JAK1: variants seen among roughly 807,000 people sequenced by gnomAD.
JAK1 encodes tyrosine-protein kinase JAK1.
A neutral mutation model predicts 136.6 loss-of-function variants in JAK1; 16 were observed. The ratio of observed to expected loss-of-function variants is 0.12; its 90% CI spans 0.08 to 0.18. The LOEUF is 0.18. JAK1 is among the 10% of genes least tolerant of loss of function. The probability of loss-of-function intolerance (pLI) is 1.00; values close to 1 mark genes in which losing one functional copy is unlikely to be tolerated. For missense variants in JAK1, 859 were observed against 1,450.1 expected, an observed-to-expected ratio of 0.59 and a Z score of 6.62; for synonymous variants, 492 against 519.5, an observed-to-expected ratio of 0.95 and a Z score of 0.72.
At chr1:64,904,296 A>G (rs1645158096) in intron 1 of JAK1, among the ~76,000 whole-genome samples, 3 of 152,228 alleles carry the variant, frequency 2.0e-5, no homozygotes, top group African/African-American at 7.2e-5. Context: ...ATTTGAAGGT[A>G]AGAATTAAAT....
Position 64,879,102 on chromosome 1 carries a change from G to A in JAK1, c.252C>T (p.Asn84=), listed in dbSNP as rs370552710. 1.3e-5 allele frequency: 21 copies of A among 1,613,728 alleles called. No homozygotes were observed. Among genetic ancestry groups the A allele is most frequent in the Middle Eastern group, 1.6e-4 (1 of 6,084 alleles). ...GATTTGGAGCATACCAGAGCTTGGT[G>A]TTCTCGTCATACAGGGCAAAGAGGT... The part of the protein sequence containing the change: ...CHNLFALYDE[N]TKLWYAPNRT... Residue 84 remains asparagine (N), a synonymous_variant, in exon 4 of 25, where the codon AAC becomes AAT. Coordinates refer to ENST00000342505, the MANE Select transcript of JAK1 (RefSeq NM_002227.4).
Position 65,050,283 on chromosome 1 carries a change from C to T in JAK1, c.-180-5701G>A, listed in dbSNP as rs181786719. Among the ~76,000 whole-genome samples the T allele has an allele frequency of 5.9e-4, 90 of 152,266 alleles. 1 individual carries two copies. Among genetic ancestry groups the T allele is most frequent in the Admixed American group, 3.7e-3 (57 of 15,282 alleles). On this transcript the variant is annotated intron_variant, in intron 1 of 25. Coordinates refer to the JAK1 transcript ENST00000671954. ...TAACGAGACATTAAAAATATGCACC[C>T]GCAACACACGTGATTCAACTGTGAC...
intron 1 of JAK1, among the ~76,000 whole-genome samples, chr1:65,055,507 T>C (rs1336352484): frequency 6.6e-6 from 1 of 152,236 alleles, no homozygotes; most frequent in African/African-American, 2.4e-5. Context: ...CTTTTGGGTA[T>C]GTATCCAGAA....
rs568617682 is a variant in JAK1 at position 64,919,432 on chromosome 1, T to C, written c.-77-33091A>G. 3.9e-5 allele frequency among the ~76,000 whole-genome samples: 6 copies of C among 152,322 alleles called. No individual in the cohort carries two copies. The East Asian group carries it at 7.7e-4, about 20-fold the overall frequency. On this transcript the variant is annotated intron_variant, in intron 1 of 24. Coordinates refer to ENST00000342505, the MANE Select transcript of JAK1 (RefSeq NM_002227.4). ...AGTCTATCATTGATGGACATTTGGGTTGGTTCCAAGTCTTTGCTATTGTGA... is the reference window on the plus strand; with the variant it reads ...AGTCTATCATTGATGGACATTTGGGCTGGTTCCAAGTCTTTGCTATTGTGA...
chr1:65,033,639 G>A (rs1647044405), intron 2 of JAK1, among the ~76,000 whole-genome samples: 1 of 151,478 alleles, frequency 6.6e-6, no homozygotes, highest in South Asian at 2.1e-4. Context: ...TGTAATCCCA[G>A]TGCTTTGGGA....
intron 1 of JAK1, among the ~76,000 whole-genome samples, chr1:64,902,393 C>T (rs761082194): frequency 2.6e-5 from 4 of 151,982 alleles, no homozygotes; most frequent in Non-Finnish European, 5.9e-5. Context: ...TCTGTCAATC[C>T]GAGGATAAAG....
intron 2 of JAK1, chr1:64,972,760 G>A (rs115587929): frequency 0.052 from 7,991 of 152,392 alleles, 294 homozygotes; most frequent in South Asian, 0.11. Flanking sequence ...CTGCACTCCA[G>A]CCTGAGTGAT....
chr1:64,847,878 C>A (rs1302439921), intron 12 of JAK1, among the ~76,000 whole-genome samples: 1 of 152,040 alleles, frequency 6.6e-6, no homozygotes, highest in African/African-American at 2.4e-5. Context: ...TTTGCTGGGC[C>A]CCAGGAGACA....
At chr1:64,959,681 G>C (rs773878852) in intron 1 of JAK1, among the ~76,000 whole-genome samples, 13 of 152,152 alleles carry the variant, frequency 8.5e-5, no homozygotes, top group Admixed American at 8.5e-4. Flanking sequence ...ACCTTTGTTA[G>C]TCATTTTTCC....
intron 2 of JAK1, among the ~76,000 whole-genome samples, chr1:64,988,998 G>A (rs1185175327): frequency 2.1e-5 from 2 of 95,594 alleles, no homozygotes; most frequent in Non-Finnish European, 3.9e-5. Context: ...GTGTGTGTGT[G>A]TGTGTATATA....
At chr1:65,003,366 A>G (rs1425566173) in intron 2 of JAK1, 2 of 152,072 alleles carry the variant, frequency 1.3e-5, no homozygotes, top group Non-Finnish European at 2.9e-5. Flanking sequence ...TTCTTTTCCC[A>G]TGTACATTTT....
intron 1 of JAK1, among the ~76,000 whole-genome samples, chr1:65,056,458 A>G (rs1647543506): frequency 6.6e-6 from 1 of 152,222 alleles, no homozygotes; most frequent in Non-Finnish European, 1.5e-5. Context: ...TCAATGTCTG[A>G]GGACTGGCAC....
At chr1:64,853,737 C>A (rs1428729263) in intron 11 of JAK1, among the ~76,000 whole-genome samples, 1 of 149,254 alleles carries the variant, frequency 6.7e-6, no homozygotes, top group African/African-American at 2.5e-5. Context: ...GCCTGGGCCA[C>A]AGTAGGCACC....
chr1:64,949,080 T>C (rs1290461739), intron 1 of JAK1, among the ~76,000 whole-genome samples: 1 of 152,184 alleles, frequency 6.6e-6, no homozygotes, highest in Admixed American at 6.5e-5. Context: ...AGGCTCTTCA[T>C]ACCATGCTAA....
chr1:64,838,152 A>G, intron 21 of JAK1, 48 bp from the exon 22 acceptor site: 3 of 1,528,296 alleles, frequency 2.0e-6, no homozygotes, highest in Non-Finnish European at 2.7e-6. Flanking sequence ...GTCACTTTAG[A>G]TTGTATTATC....
At chr1:65,019,718 A>G (rs1307370724) in intron 2 of JAK1, among the ~76,000 whole-genome samples, 1 of 152,056 alleles carries the variant, frequency 6.6e-6, no homozygotes, top group Non-Finnish European at 1.5e-5. Context: ...GGAGTTCAAG[A>G]CCAGCCTGAC....
chr1:64,854,444 T>TTC (rs960339389), intron 11 of JAK1, among the ~76,000 whole-genome samples: 34 of 152,198 alleles, frequency 2.2e-4, no homozygotes, highest in Admixed American at 4.6e-4. Flanking sequence ...AAATAAACCG[T>TTC]TCTCAAGAGC....
intron 1 of JAK1, among the ~76,000 whole-genome samples, chr1:64,926,643 C>T (rs1456646805): frequency 6.6e-6 from 1 of 152,154 alleles, no homozygotes; most frequent in African/African-American, 2.4e-5. Flanking sequence ...ATTCTATACA[C>T]ATTTTGTTTA....
intron 1 of JAK1, among the ~76,000 whole-genome samples, chr1:64,909,843 A>C (rs895447280): frequency 1.3e-5 from 2 of 152,102 alleles, no homozygotes; most frequent in African/African-American, 4.8e-5. Context: ...ACAGGGTCTC[A>C]AAAAAATAAG....
Sources: gnomAD v4.1 joint callset for allele counts (sites outside exome capture counted in the v4.1 genomes callset) on GRCh38, gnomAD v4.1.1 for gene constraint, MANE v1.5 for transcripts, NCBI Gene and HGNC (gene_info 2026-07-23, HGNC 2026-07-21) for gene names.